The following SGCZ variants were observed in gnomAD, a reference collection of about 807,000 sequenced individuals.
The protein encoded by SGCZ is zeta-sarcoglycan.
SGCZ carries 40 observed loss-of-function variants against 41.3 expected under a neutral mutation model. That is an observed-to-expected ratio of 0.97 (90% CI 0.75 to 1.26). The LOEUF (loss-of-function observed/expected upper bound fraction) is 1.26. Among genes scored for constraint, SGCZ ranks in the 50% most tolerant of loss-of-function variants. The pLI, the probability that SGCZ is intolerant of heterozygous loss-of-function variation, is 0.00. For synonymous variants in SGCZ, 206 were observed against 137.5 expected, an observed-to-expected ratio of 1.50 and a Z score of -3.49; for missense variants, 552 against 369.8, an observed-to-expected ratio of 1.49 and a Z score of -4.04.
chr8:14,453,840 A>T (rs117820171), intron 2 of SGCZ, among the ~76,000 whole-genome samples: 1 of 152,334 alleles, frequency 6.6e-6, no homozygotes, highest in South Asian at 2.1e-4. Context: ...AAAAAGAGTG[A>T]TTCTTAAATA....
chr8:14,914,711 A>G (rs1473248037), intron 1 of SGCZ, among the ~76,000 whole-genome samples: 2 of 152,228 alleles, frequency 1.3e-5, no homozygotes, highest in Non-Finnish European at 1.5e-5. Context: ...AAATCTTATC[A>G]AAAAGCAGGC....
chr8:14,557,040 A>C (rs1202848372), intron 1 of SGCZ, among the ~76,000 whole-genome samples: 1 of 152,044 alleles, frequency 6.6e-6, no homozygotes, highest in African/African-American at 2.4e-5. Context: ...ACTAGTTTAC[A>C]TTCCTACCAG....
intron 2 of SGCZ, among the ~76,000 whole-genome samples, chr8:14,349,632 T>C (rs753044130): frequency 3.3e-5 from 5 of 152,116 alleles, no homozygotes; most frequent in Non-Finnish European, 7.4e-5. Context: ...AAACCCCTGC[T>C]CTTCTGTTTA....
At chr8:14,465,972 G>A (rs1006217979) in intron 2 of SGCZ, among the ~76,000 whole-genome samples, 8 of 151,858 alleles carry the variant, frequency 5.3e-5, no homozygotes, top group Non-Finnish European at 1.0e-4. Context: ...CTTAAATCAT[G>A]TACAAAACAA....
intron 5 of SGCZ, among the ~76,000 whole-genome samples, chr8:14,131,522 C>T (rs1803040701): frequency 6.6e-6 from 1 of 152,088 alleles, no homozygotes; most frequent in African/African-American, 2.4e-5. Context: ...AATCTTTTAT[C>T]TATGACAAGT....
At chr8:14,365,281 C>T (rs1803660377) in intron 2 of SGCZ, among the ~76,000 whole-genome samples, 1 of 151,986 alleles carries the variant, frequency 6.6e-6, no homozygotes, top group Admixed American at 6.6e-5. Flanking sequence ...TTCTGTTCCA[C>T]TTTTGTCCAT....
chr8:14,766,325 T>G (rs112633730), intron 1 of SGCZ, among the ~76,000 whole-genome samples: 629 of 152,140 alleles, frequency 4.1e-3, no homozygotes, highest in African/African-American at 0.014. Context: ...TATTATAAGG[T>G]TGACTTGGGG....
chr8:14,934,857 A>T (rs973255636), intron 1 of SGCZ, among the ~76,000 whole-genome samples: 2 of 151,710 alleles, frequency 1.3e-5, no homozygotes, highest in African/African-American at 4.8e-5. Context: ...AACAACAGCT[A>T]GACAGACAGG....
chr8:14,493,359 C>CTTTTTTTTTTTTTTTTTTTTTTT lies in SGCZ; in HGVS notation c.234+61350_234+61372dup, dbSNP rs57898016. On this transcript the variant is annotated intron_variant, in intron 2 of 7. Transcript: ENST00000382080. ...CATACTTTTCCCACTATCATCCTTT[C>CTTTTTTTTTTTTTTTTTTTTTTT]TTTTTTTTTTTTTTTTTTTTTTTTT... Among the ~76,000 whole-genome samples the CTTTTTTTTTTTTTTTTTTTTTTT allele has an allele frequency of 5.0e-3, 222 of 44,270 alleles. 42 individuals carry two copies. Among genetic ancestry groups the CTTTTTTTTTTTTTTTTTTTTTTT allele is most frequent in the African/African-American group, 8.5e-3 (112 of 13,252 alleles). The allele number at this position is 44,270 out of a possible 152,430, so 29.0% of individuals were successfully genotyped here. A position where few individuals can be genotyped will look rare whatever the true frequency, so the allele number is the denominator to read the frequency against.
chr8:14,757,198 GC>G (rs1799705592), intron 1 of SGCZ, among the ~76,000 whole-genome samples: 1 of 152,112 alleles, frequency 6.6e-6, no homozygotes, highest in Non-Finnish European at 1.5e-5. Context: ...ACAGGTGCCT[GC>G]CACCACACCC....
rs534722082 is a variant in SGCZ at position 14,373,849 on chromosome 8, T to C, written c.235-49645A>G. ...AAACTGGAGATAAGAAAGCTGATTCTAGATCTCTGAGAAATAGCCACACCT... is the reference window on the plus strand; with the variant it reads ...AAACTGGAGATAAGAAAGCTGATTCCAGATCTCTGAGAAATAGCCACACCT... On this transcript the variant is annotated intron_variant, in intron 2 of 7. Transcript: ENST00000382080. Among the ~76,000 whole-genome samples, 3 of 152,264 alleles carry C rather than the reference T, an allele frequency of 2.0e-5. No individual in the cohort carries two copies. The South Asian group carries it at 6.2e-4, about 32-fold the overall frequency.
At chr8:15,214,880 G>A (rs1210951354) in intron 1 of SGCZ, among the ~76,000 whole-genome samples, 2 of 152,156 alleles carry the variant, frequency 1.3e-5, no homozygotes, top group African/African-American at 4.8e-5. Context: ...GAAATGAAGA[G>A]CAGGTGTTCT....
chr8:14,240,040 G>A (rs1465883589), intron 3 of SGCZ, among the ~76,000 whole-genome samples: 1 of 151,740 alleles, frequency 6.6e-6, no homozygotes, highest in African/African-American at 2.4e-5. Flanking sequence ...AGAATGGAAA[G>A]TTTAGTCCGG....
At chr8:14,432,134 G>A (rs1799960118) in intron 2 of SGCZ, among the ~76,000 whole-genome samples, 1 of 152,122 alleles carries the variant, frequency 6.6e-6, no homozygotes, top group African/African-American at 2.4e-5. Flanking sequence ...ATTCTTTGAA[G>A]AACTAAAAGT....
At chr8:14,314,966 T>C (rs755751588) in intron 3 of SGCZ, among the ~76,000 whole-genome samples, 2 of 152,176 alleles carry the variant, frequency 1.3e-5, no homozygotes, top group Non-Finnish European at 2.9e-5. Context: ...TTCATCAAAA[T>C]TGCAAACATT....
chr8:15,077,858 G>A (rs960701126), intron 1 of SGCZ, among the ~76,000 whole-genome samples: 6 of 152,170 alleles, frequency 3.9e-5, no homozygotes, highest in African/African-American at 1.4e-4. Flanking sequence ...AAAACCTTTT[G>A]AGAGATGCAG....
chr8:14,454,382 G>A (rs75891256), intron 2 of SGCZ, among the ~76,000 whole-genome samples: 1,917 of 152,156 alleles, frequency 0.013, 47 homozygotes, highest in African/African-American at 0.043. Flanking sequence ...CTAACAAACT[G>A]TATTTAGTTC....
chr8:14,222,238 T>A (rs13248384), intron 4 of SGCZ, among the ~76,000 whole-genome samples: 1 of 151,790 alleles, frequency 6.6e-6, no homozygotes, highest in Non-Finnish European at 1.5e-5. Context: ...TGGCGCAATC[T>A]CCATTCACTG....
chr8:14,462,418 G>A (rs1011074076), intron 2 of SGCZ, among the ~76,000 whole-genome samples: 1 of 151,838 alleles, frequency 6.6e-6, no homozygotes, highest in Non-Finnish European at 1.5e-5. Context: ...CACTCATACG[G>A]TTGTGCTACT....
Sources: gnomAD v4.1 joint callset for allele counts (sites outside exome capture counted in the v4.1 genomes callset) on GRCh38, gnomAD v4.1.1 for gene constraint, MANE v1.5 for transcripts, NCBI Gene and HGNC (gene_info 2026-07-23, HGNC 2026-07-21) for gene names.